PPP2R2B: variants seen among roughly 807,000 people sequenced by gnomAD.
PPP2R2B encodes serine/threonine-protein phosphatase 2A 55 kDa regulatory subunit B beta isoform.
PPP2R2B carries 5 observed loss-of-function variants against 46.0 expected under a neutral mutation model. That is an observed-to-expected ratio of 0.11 (90% CI 0.06 to 0.23). The LOEUF (loss-of-function observed/expected upper bound fraction) is 0.23. Ranked by LOEUF, PPP2R2B falls within the 10% of genes least tolerant of loss-of-function variation. The pLI is 1.00. For missense variants in PPP2R2B, 367 were observed against 575.0 expected, an observed-to-expected ratio of 0.64 and a Z score of 3.70; for synonymous variants, 215 against 206.7, an observed-to-expected ratio of 1.04 and a Z score of -0.34.
chr5:146,795,543 G>A (rs1267470632), intron 2 of PPP2R2B, among the ~76,000 whole-genome samples: 1 of 152,046 alleles, frequency 6.6e-6, no homozygotes, highest in African/African-American at 2.4e-5. Flanking sequence ...GAGGTATTGG[G>A]GAGCTGTTGG....
At chr5:146,667,744 G>T (rs1399698764) in intron 5 of PPP2R2B, among the ~76,000 whole-genome samples, 1 of 152,184 alleles carries the variant, frequency 6.6e-6, no homozygotes, top group Non-Finnish European at 1.5e-5. Flanking sequence ...GGGGCCACCT[G>T]GTCTCTTAAA....
At chr5:146,894,086 C>A (rs376605846) in intron 1 of PPP2R2B, among the ~76,000 whole-genome samples, 59 of 152,200 alleles carry the variant, frequency 3.9e-4, no homozygotes, top group African/African-American at 1.3e-3. Context: ...CCATATCTAT[C>A]CATTTACGCT....
chr5:146,760,321 T>C (rs1288581004), intron 2 of PPP2R2B, among the ~76,000 whole-genome samples: 2 of 152,210 alleles, frequency 1.3e-5, no homozygotes, highest in African/African-American at 4.8e-5. Flanking sequence ...TAATTTTCAC[T>C]GCATAGCTAG....
At chr5:146,836,513 T>C (rs553444867) in intron 2 of PPP2R2B, among the ~76,000 whole-genome samples, 1 of 152,356 alleles carries the variant, frequency 6.6e-6, no homozygotes, top group Admixed American at 6.5e-5. Flanking sequence ...GCTCAGCTCC[T>C]AAAAGAGTGC....
chr5:146,745,105 C>T (rs1753092533), intron 2 of PPP2R2B, among the ~76,000 whole-genome samples: 1 of 151,044 alleles, frequency 6.6e-6, no homozygotes, highest in Non-Finnish European at 1.5e-5. Context: ...CTTTGCAGCT[C>T]AGTGTCAGTT....
intron 1 of PPP2R2B, among the ~76,000 whole-genome samples, chr5:147,010,211 T>A (rs1754649470): frequency 6.6e-6 from 1 of 152,162 alleles, no homozygotes; most frequent in Non-Finnish European, 1.5e-5. Flanking sequence ...ACTGAGTACA[T>A]GAACTACTTA....
intron 1 of PPP2R2B, among the ~76,000 whole-genome samples, chr5:146,946,489 T>C (rs936490472): frequency 2.0e-5 from 3 of 152,168 alleles, no homozygotes; most frequent in African/African-American, 7.2e-5. Context: ...GAGTCCCAAG[T>C]CTGTTGCTTA....
chr5:146,615,611 A>G (rs185479225), intron 7 of PPP2R2B, among the ~76,000 whole-genome samples: 4 of 151,992 alleles, frequency 2.6e-5, no homozygotes, highest in Admixed American at 2.0e-4. Flanking sequence ...TGATCTCAAC[A>G]GCAAATAATC....
At chr5:146,965,619 G>A (rs191694060) in intron 1 of PPP2R2B, among the ~76,000 whole-genome samples, 12 of 152,292 alleles carry the variant, frequency 7.9e-5, no homozygotes, top group South Asian at 4.1e-4. Context: ...CAGAAGTGTC[G>A]CTGGCCCCGC....
chr5:146,638,760 A>T (rs1446435747), intron 6 of PPP2R2B, among the ~76,000 whole-genome samples: 1 of 152,186 alleles, frequency 6.6e-6, no homozygotes, highest in Non-Finnish European at 1.5e-5. Flanking sequence ...TTTGCTTCTC[A>T]TTTTATAATA....
At chr5:146,920,221 C>T (rs966351776) in intron 1 of PPP2R2B, among the ~76,000 whole-genome samples, 14 of 152,116 alleles carry the variant, frequency 9.2e-5, no homozygotes, top group African/African-American at 3.4e-4. Context: ...AGTCTATTTG[C>T]TAGTTTAAAT....
At chr5:146,861,710 C>G (rs1404280235) in intron 2 of PPP2R2B, among the ~76,000 whole-genome samples, 1 of 152,080 alleles carries the variant, frequency 6.6e-6, no homozygotes, top group South Asian at 2.1e-4. Flanking sequence ...ATTTCATCAG[C>G]CTGAGTTATC....
At chr5:146,714,875 T>C (rs892432406) in intron 2 of PPP2R2B, among the ~76,000 whole-genome samples, 1 of 152,154 alleles carries the variant, frequency 6.6e-6, no homozygotes, top group Non-Finnish European at 1.5e-5. Context: ...TTTTCTGCTT[T>C]CCACTCATCT....
intron 2 of PPP2R2B, among the ~76,000 whole-genome samples, chr5:146,714,411 A>G (rs1345152432): frequency 3.9e-5 from 6 of 152,278 alleles, no homozygotes; most frequent in East Asian, 3.9e-4. Context: ...AAATGAGGTG[A>G]AAGATGGTAA....
intron 2 of PPP2R2B, among the ~76,000 whole-genome samples, chr5:146,828,536 A>C (rs1008617284): frequency 6.6e-6 from 1 of 152,226 alleles, no homozygotes; most frequent in Non-Finnish European, 1.5e-5. Context: ...GTGACAGCAG[A>C]ATGTTGTAGA....
intron 5 of PPP2R2B, among the ~76,000 whole-genome samples, chr5:146,677,428 T>C (rs1230125029): frequency 6.6e-6 from 1 of 152,192 alleles, no homozygotes; most frequent in Non-Finnish European, 1.5e-5. Flanking sequence ...CGTCACCATT[T>C]TTTTTTGTTT....
intron 2 of PPP2R2B, among the ~76,000 whole-genome samples, chr5:147,067,393 G>A (rs1757445570): frequency 6.6e-6 from 1 of 151,724 alleles, no homozygotes. Context: ...TTCCACAGAT[G>A]TGAGATCATC....
intron 7 of PPP2R2B, among the ~76,000 whole-genome samples, chr5:146,634,160 T>A (rs1774627947): frequency 6.6e-6 from 1 of 152,168 alleles, no homozygotes; most frequent in African/African-American, 2.4e-5. Flanking sequence ...CTATTGTCAA[T>A]GGGCCTCATC....
intron 1 of PPP2R2B, among the ~76,000 whole-genome samples, chr5:146,988,392 T>C (rs943713308): frequency 3.9e-5 from 6 of 151,950 alleles, no homozygotes; most frequent in African/African-American, 1.4e-4. Context: ...TCACAAATGT[T>C]ACAAAATTGA....
Sources: gnomAD v4.1 joint callset for allele counts (sites outside exome capture counted in the v4.1 genomes callset) on GRCh38, gnomAD v4.1.1 for gene constraint, MANE v1.5 for transcripts, NCBI Gene and HGNC (gene_info 2026-07-23, HGNC 2026-07-21) for gene names.